Variants in MAP1LC3A observed in about 807,000 individuals in gnomAD.
MAP1LC3A encodes microtubule-associated protein 1 light chain 3 alpha.
MAP1LC3A carries 10 observed loss-of-function variants against 15.2 expected under a neutral mutation model. The ratio of observed to expected loss-of-function variants is 0.66; its 90% CI spans 0.41 to 1.12. The LOEUF (loss-of-function observed/expected upper bound fraction) is 1.12. Ranked by LOEUF, MAP1LC3A falls within the 50% of genes most tolerant of loss-of-function variation. The probability of loss-of-function intolerance (pLI) is 0.00; values close to 1 mark genes in which losing one functional copy is unlikely to be tolerated. For missense variants in MAP1LC3A, 138 were observed against 167.3 expected (o/e 0.82, Z 0.97); for synonymous variants, 63 against 64.3 (o/e 0.98, Z 0.10).
chr20:34,551,824 A>G (rs575098987), intron 2 of MAP1LC3A, among the ~76,000 whole-genome samples: 21 of 152,114 alleles, frequency 1.4e-4, no homozygotes, highest in Non-Finnish European at 2.1e-4. Flanking sequence ...CAGACTCACC[A>G]AAGAGTACAC....
chr20:34,553,171 C>T (rs894358188), intron 2 of MAP1LC3A, among the ~76,000 whole-genome samples: 3 of 151,878 alleles, frequency 2.0e-5, no homozygotes, highest in Non-Finnish European at 2.9e-5. Context: ...ACCTAGGTGA[C>T]GAGCGAAATT....
chr20:34,550,162 CT>C, intron 2 of MAP1LC3A: 2 of 784,066 alleles, frequency 2.6e-6, no homozygotes, highest in East Asian at 5.3e-5. Context: ...CAGTTCTCCA[CT>C]TTTTCTCAGG....
intron 1 of MAP1LC3A, among the ~76,000 whole-genome samples, chr20:34,548,051 G>A (rs1031622474): frequency 2.0e-5 from 3 of 152,114 alleles, no homozygotes; most frequent in Non-Finnish European, 2.9e-5. Context: ...CAGGTGGGAC[G>A]ACACAGATGG....
upstream of MAP1LC3A, chr20:34,558,524 G>A (rs1600572168): frequency 1.8e-6 from 2 of 1,091,520 alleles, no homozygotes; most frequent in Non-Finnish European, 2.2e-6. This position sits in a 1 kb window ranked among gnomAD's most constrained non-coding sequence, Gnocchi z 4.3. Context: ...TCGGGCTGCG[G>A]GAGAAGCTCC....
At chr20:34,549,832 TCTTCAATCTCGTC>T in intron 1 of MAP1LC3A, 3 of 651,660 alleles carry the variant, frequency 4.6e-6, no homozygotes, top group Non-Finnish European at 8.3e-6. Flanking sequence ...GTTCAGCCAG[TCTTCAATCTCGTC>T]CAGAGTCAGT....
chr20:34,547,164 G>A lies in MAP1LC3A; in HGVS notation c.-74+248G>A, dbSNP rs536151819. ...AGAAAACATACACTTCCCTGGGGAC[G>A]CGGGCGGGGAGTTTGACGGGTTCGG... On this transcript the variant is annotated intron_variant, in intron 1 of 4. Coordinates refer to the MAP1LC3A transcript ENST00000374837. 3.5e-3 allele frequency among the ~76,000 whole-genome samples: 530 copies of A among 152,298 alleles called. 5 individuals carry two copies. The highest frequency in any genetic ancestry group is 0.012 in the African/African-American group (506 of 41,556).
At chr20:34,559,137 G>T (rs1982303298) in intron 1 of MAP1LC3A, 71 bp from the exon 2 acceptor site, 1 of 1,412,726 alleles carries the variant, frequency 7.1e-7, no homozygotes, top group Non-Finnish European at 9.3e-7. Flanking sequence ...GCCGGGGGCC[G>T]CCCCTCCGGG....
chr20:34,558,061 T>C (rs780186641), upstream of MAP1LC3A: 76 of 985,320 alleles, frequency 7.7e-5, no homozygotes, highest in Non-Finnish European at 9.0e-5. The surrounding 1 kb of genome is among the most constrained non-coding windows in gnomAD (Gnocchi z 4.3). Flanking sequence ...GGAGCTCTGC[T>C]CGGGCCCGCG....
Position 34,559,265 on chromosome 20 carries a change from T to TGAGTC in MAP1LC3A, c.96+3_96+7dup, listed in dbSNP as rs1276695806. On this transcript the variant is annotated splice_region_variant and intron_variant, in intron 2 of 3. Coordinates refer to ENST00000360668, the MANE Select transcript of MAP1LC3A (RefSeq NM_032514.4). ...GACCAGCACCCCAGCAAAATCCCGG[T>TGAGTC]GAGTCCCGCACCCCCAGCCCTGCCC... 2 of 1,603,206 alleles carry TGAGTC rather than the reference T, an allele frequency of 1.2e-6. No individual in the cohort carries two copies. The highest frequency in any genetic ancestry group is 2.7e-5 in the African/African-American group (2 of 74,456).
At chr20:34,559,505 G>C in intron 3 of MAP1LC3A, 52 bp downstream of exon 3, 1 of 1,524,186 alleles carries the variant, frequency 6.6e-7, no homozygotes, top group Non-Finnish European at 9.0e-7. Flanking sequence ...GGGGAGCCGG[G>C]TTCCCGCCGA....
exon 2 of MAP1LC3A, chr20:34,549,997 G>C: frequency 6.2e-7 from 1 of 1,614,190 alleles, no homozygotes; most frequent in Non-Finnish European, 8.5e-7. Flanking sequence ...AGATTCTTCA[G>C]TTCTCCATGT....
chr20:34,550,091 G>C (rs926230277), intron 2 of MAP1LC3A: 94 of 1,531,668 alleles, frequency 6.1e-5, no homozygotes, highest in Admixed American at 2.7e-4. Flanking sequence ...GTCCACACTC[G>C]CGGTCATCAG....
intron 1 of MAP1LC3A, among the ~76,000 whole-genome samples, chr20:34,547,836 T>C (rs1337267741): frequency 6.6e-6 from 1 of 152,092 alleles, no homozygotes; most frequent in Non-Finnish European, 1.5e-5. Flanking sequence ...CCCAGGCTGG[T>C]CTTGAGCTCC....
chr20:34,559,161 A>G (rs1306597567), intron 1 of MAP1LC3A, 47 bp from the exon 2 acceptor site: 2 of 1,503,154 alleles, frequency 1.3e-6, no homozygotes, highest in East Asian at 5.0e-5. Context: ...GGCGGGGCGG[A>G]CCTGGGCCGG....
At chr20:34,549,198 G>A (rs987753771) in intron 1 of MAP1LC3A, among the ~76,000 whole-genome samples, 3 of 151,810 alleles carry the variant, frequency 2.0e-5, no homozygotes, top group Non-Finnish European at 4.4e-5. Context: ...GCTAATTTTT[G>A]TATTTTTAGT....
At chr20:34,558,515 C>A (rs1400497229), upstream of MAP1LC3A, 23 of 1,070,302 alleles carry the variant, frequency 2.1e-5, no homozygotes, top group Non-Finnish European at 2.6e-5. The surrounding 1 kb of genome is among the most constrained non-coding windows in gnomAD (Gnocchi z 4.3). Context: ...ACCTTGAGTT[C>A]GGGCTGCGGG....
At chr20:34,553,315 G>C (rs541845120) in intron 2 of MAP1LC3A, among the ~76,000 whole-genome samples, 8 of 152,322 alleles carry the variant, frequency 5.3e-5, no homozygotes, top group African/African-American at 1.9e-4. Flanking sequence ...TGAGATGTCT[G>C]TCAGACATTC....
At chr20:34,559,310 C>G in intron 2 of MAP1LC3A, 37 bp from the exon 3 acceptor site, 5 of 1,264,232 alleles carry the variant, frequency 4.0e-6, no homozygotes, top group Non-Finnish European at 5.6e-6. Context: ...CTCGCGCGTT[C>G]CCGACACGAC....
At chr20:34,552,514 A>G (rs982224704) in intron 2 of MAP1LC3A, among the ~76,000 whole-genome samples, 36 of 152,380 alleles carry the variant, frequency 2.4e-4, no homozygotes, top group Middle Eastern at 6.8e-3. Flanking sequence ...GCCCTGGGGC[A>G]TGAGCCTGAC....
Sources: gnomAD v4.1 joint callset for allele counts (sites outside exome capture counted in the v4.1 genomes callset) on GRCh38, gnomAD v4.1.1 for gene constraint, Gnocchi (gnomAD v3.1) non-coding constraint, MANE v1.5 for transcripts, NCBI Gene and HGNC (gene_info 2026-07-23, HGNC 2026-07-21) for gene names.